Variants in NLGN1 observed in about 807,000 individuals in gnomAD.
NLGN1 encodes the protein neuroligin-1.
In NLGN1, 12 loss-of-function variants were observed where a neutral mutation model predicts 65.5. The ratio of observed to expected loss-of-function variants is 0.18; its 90% CI spans 0.12 to 0.30. NLGN1 has a LOEUF of 0.30. Among genes scored for constraint, NLGN1 ranks in the 10% least tolerant of loss-of-function variants. The pLI is 1.00. For missense variants in NLGN1, 750 were observed against 1,007.1 expected (o/e 0.74, Z 3.46); for synonymous variants, 350 against 359.5 (o/e 0.97, Z 0.30).
chr3:173,534,626 C>G (rs181750732), intron 2 of NLGN1, among the ~76,000 whole-genome samples: 2 of 152,132 alleles, frequency 1.3e-5, no homozygotes, highest in African/African-American at 2.4e-5. Context: ...AAATGAATGG[C>G]AAACCTATTC....
intron 2 of NLGN1, among the ~76,000 whole-genome samples, chr3:173,529,068 C>A (rs1302212831): frequency 6.6e-6 from 1 of 152,164 alleles, no homozygotes; most frequent in Non-Finnish European, 1.5e-5. Context: ...GCTGACACTT[C>A]TTGCTTTTGA....
chr3:173,723,096 A>T (rs1411677403), intron 3 of NLGN1, among the ~76,000 whole-genome samples: 4 of 152,184 alleles, frequency 2.6e-5, no homozygotes, highest in Non-Finnish European at 5.9e-5. Context: ...GCTGTGTGAC[A>T]CAAGGGTTCA....
At chr3:174,217,385 C>CA (rs1737819186) in intron 4 of NLGN1, among the ~76,000 whole-genome samples, 1 of 152,108 alleles carries the variant, frequency 6.6e-6, no homozygotes, top group South Asian at 2.1e-4. Context: ...CCTGCCCTGA[C>CA]AAAATACCAT....
At chr3:173,583,905 G>T (rs1746817232) in intron 2 of NLGN1, among the ~76,000 whole-genome samples, 3 of 151,954 alleles carry the variant, frequency 2.0e-5, no homozygotes, top group Admixed American at 2.0e-4. Context: ...TTCCTTTAAA[G>T]GAAATAAAAT....
At chr3:174,223,336 C>G (rs574103109) in intron 4 of NLGN1, among the ~76,000 whole-genome samples, 1 of 152,268 alleles carries the variant, frequency 6.6e-6, no homozygotes, top group South Asian at 2.1e-4. Context: ...ACAGGGAAAG[C>G]TCAAATCTTT....
At chr3:174,231,469 C>A (rs1385459140) in intron 4 of NLGN1, among the ~76,000 whole-genome samples, 1 of 152,180 alleles carries the variant, frequency 6.6e-6, no homozygotes, top group East Asian at 1.9e-4. Context: ...GATTGCCCAA[C>A]ACTCAGCTAT....
chr3:173,618,099 T>C (rs1338921933), intron 3 of NLGN1, among the ~76,000 whole-genome samples: 2 of 152,158 alleles, frequency 1.3e-5, no homozygotes, highest in African/African-American at 4.8e-5. Flanking sequence ...GCTTCTCCAA[T>C]GGCCTGTGTG....
chr3:173,515,585 C>CTT (rs1483307342), intron 2 of NLGN1, among the ~76,000 whole-genome samples: 3 of 152,028 alleles, frequency 2.0e-5, no homozygotes, highest in Non-Finnish European at 4.4e-5. Context: ...TGAAGTTTTA[C>CTT]CCAGTGTTTC....
intron 2 of NLGN1, among the ~76,000 whole-genome samples, chr3:173,467,268 A>G (rs921127760): frequency 1.3e-5 from 2 of 152,068 alleles, no homozygotes; most frequent in South Asian, 2.1e-4. Flanking sequence ...TATGTGCACT[A>G]GAATCATTTT....
Position 174,250,525 on chromosome 3 carries a change from G to A in NLGN1, c.647-24790G>A, listed in dbSNP as rs1389589323. 2.0e-5 allele frequency among the ~76,000 whole-genome samples: 3 copies of A among 152,144 alleles called. No individual in the cohort carries two copies. The East Asian group carries it at 5.8e-4, about 29-fold the overall frequency. On this transcript the variant is annotated intron_variant, in intron 4 of 6. Transcript: ENST00000457714. ...GCAGAGGAACTTTAAGATGGCAAAG[G>A]AAACACAACTAGAAGGACGTTGGCA...
chr3:173,590,022 T>C (rs960673686), intron 2 of NLGN1, among the ~76,000 whole-genome samples: 2 of 152,094 alleles, frequency 1.3e-5, no homozygotes, highest in African/African-American at 4.8e-5. Flanking sequence ...TTAGTAAAAG[T>C]TTTTTTCCAT....
At chr3:174,077,351 A>G (rs1014857822) in intron 4 of NLGN1, among the ~76,000 whole-genome samples, 4 of 152,156 alleles carry the variant, frequency 2.6e-5, no homozygotes, top group African/African-American at 4.8e-5. Context: ...CACTACTAGA[A>G]CATTGAAATC....
At chr3:174,247,111 C>G (rs911858357) in intron 4 of NLGN1, among the ~76,000 whole-genome samples, 3 of 152,188 alleles carry the variant, frequency 2.0e-5, no homozygotes, top group Non-Finnish European at 2.9e-5. Flanking sequence ...TTCTACCTAT[C>G]TTAGGAAAGA....
chr3:173,836,529 T>C (rs1193708531), intron 4 of NLGN1, among the ~76,000 whole-genome samples: 1 of 152,204 alleles, frequency 6.6e-6, no homozygotes, highest in Non-Finnish European at 1.5e-5. Flanking sequence ...TAATATGCTC[T>C]CACCAATAAA....
chr3:173,928,331 G>A (rs1579240370), intron 4 of NLGN1, among the ~76,000 whole-genome samples: 1 of 152,128 alleles, frequency 6.6e-6, no homozygotes, highest in South Asian at 2.1e-4. Flanking sequence ...AGTGACAGGA[G>A]CCTCAACTGT....
chr3:174,162,273 G>A (rs1256044699), intron 4 of NLGN1, among the ~76,000 whole-genome samples: 2 of 151,718 alleles, frequency 1.3e-5, no homozygotes, highest in East Asian at 1.9e-4. Context: ...TGTTTAATCA[G>A]TTCTTCTGTC....
intron 4 of NLGN1, among the ~76,000 whole-genome samples, chr3:174,102,636 G>A (rs1712799176): frequency 6.6e-6 from 1 of 152,120 alleles, no homozygotes; most frequent in African/African-American, 2.4e-5. Context: ...TTTTAGGCAC[G>A]GTTTTCAAAA....
rs370778222 is a variant in NLGN1 at position 173,596,786 on chromosome 3, C to CT, written c.-320-7493_-320-7492insT. On this transcript the variant is annotated intron_variant, in intron 2 of 6. Coordinates refer to ENST00000457714, the Ensembl canonical transcript of NLGN1. ...TTTGATATTCTCATCTCAGAGTAAA[C>CT]CCTTTTTGGCCTTGGTTTTAATTGT... 3.8e-3 allele frequency among the ~76,000 whole-genome samples: 571 copies of CT among 152,216 alleles called. 6 individuals carry two copies. Among genetic ancestry groups the CT allele is most frequent in the African/African-American group, 0.013 (530 of 41,538 alleles).
At chr3:174,114,305 TA>T (rs1715880330) in intron 4 of NLGN1, among the ~76,000 whole-genome samples, 1 of 152,152 alleles carries the variant, frequency 6.6e-6, no homozygotes, top group African/African-American at 2.4e-5. Context: ...TTATAAACAT[TA>T]AGGGAAGATT....
Sources: allele counts gnomAD v4.1 joint callset (sites outside exome capture counted in the v4.1 genomes callset), GRCh38; gene constraint gnomAD v4.1.1; transcripts MANE v1.5; gene names NCBI Gene and HGNC (gene_info 2026-07-23, HGNC 2026-07-21).